The following PKNOX2 variants were observed in gnomAD, a reference collection of about 807,000 sequenced individuals.
The protein encoded by PKNOX2 is homeobox protein PKNOX2.
A neutral mutation model predicts 53.1 loss-of-function variants in PKNOX2; 14 were observed. That is an observed-to-expected ratio of 0.26 (90% CI 0.17 to 0.41). PKNOX2 has a LOEUF of 0.41. Among genes scored for constraint, PKNOX2 ranks in the 10% least tolerant of loss-of-function variants. The pLI is 1.00. For synonymous variants in PKNOX2, 257 were observed against 242.8 expected (o/e 1.06, Z -0.54); for missense variants, 496 against 602.8 (o/e 0.82, Z 1.85).
chr11:125,209,766 G>C (rs1408070706), intron 1 of PKNOX2, among the ~76,000 whole-genome samples: 1 of 151,898 alleles, frequency 6.6e-6, no homozygotes, highest in Admixed American at 6.6e-5. Context: ...GAGGCAAAAG[G>C]GCGCCTCTCC....
intron 2 of PKNOX2, among the ~76,000 whole-genome samples, chr11:125,286,127 C>T (rs1946883047): frequency 6.6e-6 from 1 of 152,184 alleles, no homozygotes; most frequent in South Asian, 2.1e-4. Context: ...ACACAGAGTG[C>T]ACACTCCGTT....
intron 1 of PKNOX2, among the ~76,000 whole-genome samples, chr11:125,210,799 T>C (rs11603425): frequency 0.21 from 31,903 of 151,816 alleles, 4,225 homozygotes; most frequent in East Asian, 0.34. Flanking sequence ...CTGGGCAGAG[T>C]GTGAATTTTC....
chr11:125,364,991 C>A (rs762255303), intron 4 of PKNOX2, among the ~76,000 whole-genome samples: 7 of 152,080 alleles, frequency 4.6e-5, no homozygotes, highest in Non-Finnish European at 1.0e-4. Flanking sequence ...CCCATTCCAG[C>A]CTTAAAGAGT....
intron 8 of PKNOX2, 81 bp from the exon 9 acceptor site, chr11:125,410,698 C>A: frequency 1.8e-6 from 2 of 1,086,430 alleles, no homozygotes; most frequent in Non-Finnish European, 2.8e-6. Context: ...CACATGAGTG[C>A]CAAATGAACT....
chr11:125,238,969 A>G (rs1942948440), intron 2 of PKNOX2, among the ~76,000 whole-genome samples: 2 of 152,176 alleles, frequency 1.3e-5, no homozygotes, highest in Non-Finnish European at 2.9e-5. Flanking sequence ...GGGGTTGTAT[A>G]TACTTCCCAG....
At chr11:125,264,589 CG>C (rs911711293) in intron 2 of PKNOX2, among the ~76,000 whole-genome samples, 26 of 151,844 alleles carry the variant, frequency 1.7e-4, no homozygotes, top group African/African-American at 5.6e-4. Flanking sequence ...GTGGCGGGGC[CG>C]GGGGGCTGCC....
intron 3 of PKNOX2, among the ~76,000 whole-genome samples, chr11:125,334,612 T>C (rs1356075176): frequency 3.9e-5 from 6 of 151,922 alleles, no homozygotes; most frequent in Admixed American, 1.3e-4. Flanking sequence ...TCTTTTCATT[T>C]TTTTGAGACA....
At chr11:125,176,819 C>T (rs948886538) in intron 1 of PKNOX2, among the ~76,000 whole-genome samples, 1 of 152,352 alleles carries the variant, frequency 6.6e-6, no homozygotes, top group African/African-American at 2.4e-5. Context: ...GGATTGTGCT[C>T]TCATCCGAGC....
chr11:125,420,667 C>T (rs1956126225), intron 10 of PKNOX2, among the ~76,000 whole-genome samples: 1 of 152,188 alleles, frequency 6.6e-6, no homozygotes, highest in Non-Finnish European at 1.5e-5. Flanking sequence ...CTAAGCCTCT[C>T]TATCTTTTGA....
At chr11:125,297,908 C>T (rs1215585451) in intron 2 of PKNOX2, among the ~76,000 whole-genome samples, 1 of 152,174 alleles carries the variant, frequency 6.6e-6, no homozygotes, top group Non-Finnish European at 1.5e-5. Flanking sequence ...TTCCATAACT[C>T]CCTGCAAACC....
intron 3 of PKNOX2, among the ~76,000 whole-genome samples, chr11:125,334,984 T>C (rs1434568072): frequency 6.6e-6 from 1 of 152,184 alleles, no homozygotes; most frequent in African/African-American, 2.4e-5. Flanking sequence ...GCAGATTAAA[T>C]GAGAGAATGC....
chr11:125,246,699 A>G (rs1228959492), intron 2 of PKNOX2, among the ~76,000 whole-genome samples: 3 of 152,212 alleles, frequency 2.0e-5, no homozygotes, highest in Non-Finnish European at 4.4e-5. Context: ...TGTTGGGAAT[A>G]TTAAGGGAAA....
At chr11:125,301,986 A>G (rs910788720) in intron 2 of PKNOX2, among the ~76,000 whole-genome samples, 14 of 152,238 alleles carry the variant, frequency 9.2e-5, no homozygotes, top group Admixed American at 7.2e-4. Context: ...TGTGTTAGCG[A>G]GAGCATCGCT....
intron 2 of PKNOX2, among the ~76,000 whole-genome samples, chr11:125,289,957 AATCTGTTTCTATTTC>A (rs1947204206): frequency 1.3e-5 from 2 of 152,126 alleles, no homozygotes; most frequent in African/African-American, 4.8e-5. Context: ...TGGCAACCAC[AATCTGTTTCTATTTC>A]ATCTAAAAAA....
At chr11:125,426,921 A>G (rs1253568717) in intron 10 of PKNOX2, among the ~76,000 whole-genome samples, 1 of 152,236 alleles carries the variant, frequency 6.6e-6, no homozygotes, top group African/African-American at 2.4e-5. Flanking sequence ...GATCTGTGGC[A>G]GGCCCTCACA....
At chr11:125,205,410 G>T (rs1002476171) in intron 1 of PKNOX2, among the ~76,000 whole-genome samples, 1 of 152,198 alleles carries the variant, frequency 6.6e-6, no homozygotes, top group African/African-American at 2.4e-5. Flanking sequence ...TGTCTAGCAG[G>T]CCAGGCAGGC....
intron 2 of PKNOX2, among the ~76,000 whole-genome samples, chr11:125,278,115 A>G (rs1474358713): frequency 6.6e-6 from 1 of 151,340 alleles, no homozygotes; most frequent in Non-Finnish European, 1.5e-5. Context: ...GCTACTCAGG[A>G]GGCTGAGGTG....
chr11:125,235,332 T>G (rs1202493311), intron 2 of PKNOX2, among the ~76,000 whole-genome samples: 1 of 152,218 alleles, frequency 6.6e-6, no homozygotes, highest in Non-Finnish European at 1.5e-5. Context: ...TAGACTATAT[T>G]GATTGTGCAT....
chr11:125,333,549 T>TACACACACACACACAC lies in PKNOX2; in HGVS notation c.-23+1641_-23+1656dup, dbSNP rs57352759. On this transcript the variant is annotated intron_variant, in intron 3 of 12. Transcript: ENST00000298282. ...CTCAGTCCCAAGACACACACACACA[T>TACACACACACACACAC]ACACACACACACACACACACACACA... Among the ~76,000 whole-genome samples, 343 of 142,314 alleles carry TACACACACACACACAC rather than the reference T, an allele frequency of 2.4e-3. 2 individuals carry two copies. Among genetic ancestry groups the TACACACACACACACAC allele is most frequent in the African/African-American group, 7.2e-3 (286 of 39,782 alleles). The allele number at this position is 142,314 out of a possible 152,430, so 93.4% of individuals were successfully genotyped here. A position where few individuals can be genotyped will look rare whatever the true frequency, so the allele number is the denominator to read the frequency against.
Sources: gnomAD v4.1 joint callset for allele counts (sites outside exome capture counted in the v4.1 genomes callset) on GRCh38, gnomAD v4.1.1 for gene constraint, MANE v1.5 for transcripts, NCBI Gene and HGNC (gene_info 2026-07-23, HGNC 2026-07-21) for gene names.